TCERG1: variants seen among roughly 807,000 people sequenced by gnomAD.
TCERG1 encodes TATA box binding protein (TBP)-associated factor, RNA polymerase II, S, 150kD.
TCERG1 carries 37 observed loss-of-function variants against 144.7 expected under a neutral mutation model. That is an observed-to-expected ratio of 0.26 (90% CI 0.20 to 0.34). The LOEUF (loss-of-function observed/expected upper bound fraction) is 0.34, where lower values mean the gene tolerates loss of function less well. Among genes scored for constraint, TCERG1 ranks in the 10% least tolerant of loss-of-function variants. TCERG1 has a pLI of 1.00. For synonymous variants in TCERG1, 492 were observed against 458.2 expected, an observed-to-expected ratio of 1.07 and a Z score of -0.94; for missense variants, 1,027 against 1,380.7, an observed-to-expected ratio of 0.74 and a Z score of 4.06.
intron 15 of TCERG1, among the ~76,000 whole-genome samples, chr5:146,490,331 T>C (rs1766276189): frequency 6.6e-6 from 1 of 152,196 alleles, no homozygotes; most frequent in South Asian, 2.1e-4. Flanking sequence ...GAACATTTTG[T>C]TGTACTTGTT....
chr5:146,488,399 A>G (rs1227292147), intron 15 of TCERG1, among the ~76,000 whole-genome samples: 1 of 152,170 alleles, frequency 6.6e-6, no homozygotes, highest in Non-Finnish European at 1.5e-5. Flanking sequence ...AAAAAAACAG[A>G]TCTTACTAAC....
chr5:146,455,687 C>G (rs115277156), intron 2 of TCERG1, among the ~76,000 whole-genome samples: 359 of 152,314 alleles, frequency 2.4e-3, no homozygotes, highest in African/African-American at 8.1e-3. Context: ...CTGAGTAAGT[C>G]TTCCTCCTGG....
At chr5:146,508,448 G>A (rs1768188856) in intron 21 of TCERG1, among the ~76,000 whole-genome samples, 1 of 152,034 alleles carries the variant, frequency 6.6e-6, no homozygotes. Context: ...CCCCTTTCCT[G>A]GTTGGTTTCT....
At chr5:146,468,050 T>G (rs1013001464) in intron 5 of TCERG1, among the ~76,000 whole-genome samples, 1 of 152,204 alleles carries the variant, frequency 6.6e-6, no homozygotes, top group African/African-American at 2.4e-5. Flanking sequence ...TTGTTATGTA[T>G]GTGTAATGAA....
At chr5:146,464,492 A>G (rs1046131527) in intron 5 of TCERG1, among the ~76,000 whole-genome samples, 4 of 152,254 alleles carry the variant, frequency 2.6e-5, no homozygotes, top group Non-Finnish European at 4.4e-5. Context: ...AATGTGTTAT[A>G]TTGTCTTAAG....
intron 4 of TCERG1, among the ~76,000 whole-genome samples, chr5:146,462,796 G>A (rs1390589754): frequency 6.6e-6 from 1 of 151,982 alleles, no homozygotes; most frequent in Admixed American, 6.6e-5. Flanking sequence ...TTCCATACAG[G>A]AACCTTTAGT....
intron 9 of TCERG1, among the ~76,000 whole-genome samples, chr5:146,474,391 A>G (rs1004420535): frequency 6.6e-6 from 1 of 152,208 alleles, no homozygotes; most frequent in African/African-American, 2.4e-5. Flanking sequence ...TGTATGAGCA[A>G]AGAAAGTGAA....
At chr5:146,491,289 T>A (rs1160737649) in intron 15 of TCERG1, among the ~76,000 whole-genome samples, 2 of 151,972 alleles carry the variant, frequency 1.3e-5, no homozygotes, top group Non-Finnish European at 2.9e-5. Context: ...CCGGCCTATT[T>A]GGGTATTCTT....
chr5:146,481,396 G>T (rs1296849885), intron 13 of TCERG1, 196 bp downstream of exon 13: 4 of 168,072 alleles, frequency 2.4e-5, no homozygotes, highest in African/African-American at 7.2e-5. Flanking sequence ...TTATAAGAGG[G>T]TATATTGTTT....
chr5:146,468,956 C>T (rs187097567), intron 6 of TCERG1, among the ~76,000 whole-genome samples: 1 of 151,328 alleles, frequency 6.6e-6, no homozygotes, highest in Admixed American at 6.6e-5. Context: ...GCTTATTTAG[C>T]TGTCTTGTAA....
At chr5:146,475,605 A>G (rs1764769064) in intron 9 of TCERG1, among the ~76,000 whole-genome samples, 1 of 152,180 alleles carries the variant, frequency 6.6e-6, no homozygotes, top group Non-Finnish European at 1.5e-5. Flanking sequence ...TCATTAACCC[A>G]TTTATGCTGA....
chr5:146,461,324 G>A (rs1581404448), intron 4 of TCERG1, among the ~76,000 whole-genome samples: 1 of 152,172 alleles, frequency 6.6e-6, no homozygotes, highest in South Asian at 2.1e-4. Context: ...GTATCATAAA[G>A]TGTTGTCTTA....
intron 15 of TCERG1, among the ~76,000 whole-genome samples, chr5:146,485,937 C>G (rs1022471732): frequency 6.6e-6 from 1 of 152,170 alleles, no homozygotes; most frequent in South Asian, 2.1e-4. Context: ...TCAAGTAATC[C>G]GCCTGCCTTG....
chr5:146,477,864 T>G lies in TCERG1; in HGVS notation c.1602-629T>G, dbSNP rs558405720. Among the ~76,000 whole-genome samples, 6 of 152,004 alleles carry G rather than the reference T, an allele frequency of 3.9e-5. No homozygotes were observed. In the South Asian group the frequency reaches 1.0e-3, roughly 26 times the overall value. ...GCTCGTGCAATCACATCCAGCTAAT[T>G]TTTTTAATTAATATTTTTTGTAGAG... On this transcript the variant is annotated intron_variant, in intron 9 of 22. Coordinates refer to ENST00000679501, the MANE Select transcript of TCERG1 (RefSeq NM_001382548.1).
At chr5:146,481,745 A>G (rs976958610) in intron 13 of TCERG1, 3 of 152,214 alleles carry the variant, frequency 2.0e-5, no homozygotes, top group African/African-American at 4.8e-5. Context: ...TTATTGAATT[A>G]CATACTTTTT....
Position 146,459,266 on chromosome 5 carries a change from C to A in TCERG1, c.821C>A (p.Thr274Lys), listed in dbSNP as rs768102251. Reference sequence around the variant, plus strand: ...CCAGCACCTGCAGTATCCACTTCAACATCATCATCCACCCCTTCCTCTACC... The same window carrying A: ...CCAGCACCTGCAGTATCCACTTCAAAATCATCATCCACCCCTTCCTCTACC... Reference protein sequence around the residue: ...SSPAPAVSTSTSSSTPSSTTS... With the variant: ...SSPAPAVSTSKSSSTPSSTTS... Residue 274 changes from threonine (T) to lysine (K), a missense_variant, in exon 4 of 23, where the codon ACA becomes AAA. By Grantham distance (78) the Thr-to-Lys change is moderately conservative. Coordinates refer to ENST00000679501, the MANE Select transcript of TCERG1 (RefSeq NM_001382548.1). 50 of 1,614,162 alleles carry A rather than the reference C, an allele frequency of 3.1e-5. No individual in the cohort carries two copies. Among genetic ancestry groups the A allele is most frequent in the African/African-American group, 5.3e-5 (4 of 74,958 alleles).
intron 5 of TCERG1, among the ~76,000 whole-genome samples, chr5:146,464,351 TG>T (rs1763593793): frequency 6.6e-6 from 1 of 152,236 alleles, no homozygotes; most frequent in Non-Finnish European, 1.5e-5. Context: ...ATGTTAATAC[TG>T]GGAAGAAAAT....
At chr5:146,506,495 C>T (rs1768008795) in intron 19 of TCERG1, among the ~76,000 whole-genome samples, 1 of 152,096 alleles carries the variant, frequency 6.6e-6, no homozygotes, top group Non-Finnish European at 1.5e-5. Context: ...ACTTTGTTTG[C>T]TTATAATTTT....
intron 9 of TCERG1, among the ~76,000 whole-genome samples, chr5:146,476,213 T>TA (rs1322006945): frequency 6.6e-6 from 1 of 152,204 alleles, no homozygotes; most frequent in Non-Finnish European, 1.5e-5. Flanking sequence ...AGCTGGAAGA[T>TA]ATACACATTC....
Sources: gnomAD v4.1 joint callset for allele counts (sites outside exome capture counted in the v4.1 genomes callset) on GRCh38, gnomAD v4.1.1 for gene constraint, MANE v1.5 for transcripts, NCBI Gene and HGNC (gene_info 2026-07-23, HGNC 2026-07-21) for gene names.